RIN3: variants seen among roughly 807,000 people sequenced by gnomAD.
RIN3 encodes RAB5 interacting protein 3.
Under a neutral mutation model 76.3 loss-of-function variants are expected in RIN3, and 54 were observed. That is an observed-to-expected ratio of 0.71 (90% CI 0.57 to 0.89). RIN3 has a LOEUF of 0.89. Ranked by LOEUF, RIN3 falls within the 40% of genes least tolerant of loss-of-function variation. The pLI, the probability that RIN3 is intolerant of heterozygous loss-of-function variation, is 0.00. For missense variants in RIN3, 1,256 were observed against 1,322.1 expected, an observed-to-expected ratio of 0.95 and a Z score of 0.78; for synonymous variants, 576 against 564.0, an observed-to-expected ratio of 1.02 and a Z score of -0.30.
At chr14:92,644,277 A>G (rs1418525316) in intron 5 of RIN3, 1 of 152,182 alleles carries the variant, frequency 6.6e-6, no homozygotes, top group African/African-American at 2.4e-5. Flanking sequence ...GCCTCAGTCT[A>G]TGACACATTG....
At chr14:92,536,345 C>T (rs1381299532) in intron 1 of RIN3, among the ~76,000 whole-genome samples, 1 of 152,154 alleles carries the variant, frequency 6.6e-6, no homozygotes, top group Non-Finnish European at 1.5e-5. Flanking sequence ...CCTTCTATCT[C>T]TCCATTCGCC....
intron 1 of RIN3, among the ~76,000 whole-genome samples, chr14:92,543,767 G>C (rs943664): frequency 0.26 from 40,052 of 151,590 alleles, 5,525 homozygotes; most frequent in Middle Eastern, 0.35. Flanking sequence ...ATTTTTAGTA[G>C]AGACGGGATT....
intron 3 of RIN3, among the ~76,000 whole-genome samples, chr14:92,592,328 G>A (rs542141961): frequency 1.4e-3 from 214 of 150,516 alleles, no homozygotes; most frequent in South Asian, 3.0e-3. Context: ...TTGAACCCAG[G>A]AAGCAGAGGT....
At position 92,688,506 on chromosome 14, in the gene RIN3, GGA is replaced by G. The variant is rs1888966876; in HGVS notation, c.*260_*261del. 5.6e-6 allele frequency: 3 copies of G among 533,876 alleles called. No individual in the cohort carries two copies. Among genetic ancestry groups the G allele is most frequent in the Non-Finnish European group, 9.9e-6 (3 of 302,432 alleles). 33.1% of individuals were successfully genotyped at this position (533,876 alleles called of 1,614,324 possible). A position where few individuals can be genotyped will look rare whatever the true frequency, so the allele number is the denominator to read the frequency against. On this transcript the variant is annotated 3_prime_UTR_variant, in exon 10 of 10. Coordinates refer to ENST00000216487, the MANE Select transcript of RIN3 (RefSeq NM_024832.5). Reference sequence around the variant, plus strand: ...AGACGGAAAGGGAAACTGAGGCTCAGGAGAGAGGCGCTCCAGGCCGCTGCAGC... The same window carrying G: ...AGACGGAAAGGGAAACTGAGGCTCAGGAGAGGCGCTCCAGGCCGCTGCAGC...
chr14:92,565,237 C>T (rs1897886456), intron 2 of RIN3, among the ~76,000 whole-genome samples: 1 of 152,104 alleles, frequency 6.6e-6, no homozygotes, highest in Non-Finnish European at 1.5e-5. Flanking sequence ...ATTCATGGAG[C>T]CATCCATGAA....
At chr14:92,635,709 T>G (rs4904966) in intron 4 of RIN3, among the ~76,000 whole-genome samples, 2 of 151,898 alleles carry the variant, frequency 1.3e-5, no homozygotes, top group African/African-American at 4.8e-5. Flanking sequence ...AAAAATCAGC[T>G]GGGCATGGTG....
chr14:92,550,589 G>A (rs539353138), intron 1 of RIN3, among the ~76,000 whole-genome samples: 14 of 152,126 alleles, frequency 9.2e-5, no homozygotes, highest in African/African-American at 1.4e-4. Flanking sequence ...CTAATTTTTC[G>A]AAAGTTTTTT....
chr14:92,567,648 A>T (rs924643618), intron 2 of RIN3, among the ~76,000 whole-genome samples: 44 of 145,262 alleles, frequency 3.0e-4, no homozygotes, highest in Admixed American at 9.8e-4. Context: ...TTTTTGGTCA[A>T]TGCCAGTGCC....
chr14:92,625,719 C>T lies in RIN3; in HGVS notation c.440+10240C>T, dbSNP rs114707036. ...GGCCTGGTAGCTGAGGGTCTGGGTC[C>T]GCTAGTTGGAGGCTTGGGTTTGGAC... On this transcript the variant is annotated intron_variant, in intron 4 of 9. Transcript: ENST00000216487. Among the ~76,000 whole-genome samples, 577 of 152,308 alleles carry T rather than the reference C, an allele frequency of 3.8e-3. 4 individuals are homozygous for T. Among genetic ancestry groups the T allele is most frequent in the African/African-American group, 0.012 (517 of 41,566 alleles).
chr14:92,668,221 AGACTTGAACCCGG>A (rs1888176310), intron 7 of RIN3, among the ~76,000 whole-genome samples: 1 of 152,204 alleles, frequency 6.6e-6, no homozygotes, highest in Non-Finnish European at 1.5e-5. Flanking sequence ...GGTTGACCTG[AGACTTGAACCCGG>A]GTCCTTTGCT....
In RIN3 at chr14:92,659,328, A is replaced by T. The variant is rs755381740; in HGVS notation, c.2194A>T (p.Ser732Cys). The change falls in exon 7 of 10, where the codon AGC becomes TGC. Residue 732 changes from serine (S) to cysteine (C), a missense_variant. Around this residue, in one of 3 missense-constraint regions of RIN3, gnomAD observed 428 missense variants for 521.2 expected, o/e 0.82. Coordinates refer to ENST00000216487, the MANE Select transcript of RIN3 (RefSeq NM_024832.5). The stretch of plus-strand genomic sequence containing the variant: ...CACCACTGACCTAGGTGTGACCACC[A>T]GCGTGCCGGAGGTGCCCATGATGGA... ...TTTTDLGVTT[S>C]VPEVPMMEKI... The T allele has an allele frequency of 2.5e-6, 4 of 1,612,696 alleles. No homozygotes were observed. Among genetic ancestry groups the T allele is most frequent in the Non-Finnish European group, 3.4e-6 (4 of 1,179,212 alleles).
chr14:92,676,632 G>A, intron 8 of RIN3, 26 bp downstream of exon 8: 2 of 1,608,746 alleles, frequency 1.2e-6, no homozygotes, highest in Non-Finnish European at 8.5e-7. Context: ...CTGCCCATCA[G>A]GTGCATTGCA....
chr14:92,556,932 A>G (rs1254150153), intron 2 of RIN3, among the ~76,000 whole-genome samples: 1 of 152,186 alleles, frequency 6.6e-6, no homozygotes, highest in Non-Finnish European at 1.5e-5. Context: ...GTTCAGTGGC[A>G]TTTAGTACAG....
At chr14:92,614,378 A>C (rs1451527165) in intron 3 of RIN3, among the ~76,000 whole-genome samples, 1 of 152,238 alleles carries the variant, frequency 6.6e-6, no homozygotes, top group Non-Finnish European at 1.5e-5. Context: ...AGAATTGCCA[A>C]GTTCTAAGAC....
At chr14:92,548,854 C>T (rs769289735) in intron 1 of RIN3, among the ~76,000 whole-genome samples, 6 of 152,082 alleles carry the variant, frequency 3.9e-5, no homozygotes, top group Middle Eastern at 3.4e-3. Context: ...CATATCTTCT[C>T]GGGGGACACA....
chr14:92,575,933 C>T (rs1898214440), intron 2 of RIN3, among the ~76,000 whole-genome samples: 1 of 152,190 alleles, frequency 6.6e-6, no homozygotes, highest in Admixed American at 6.5e-5. Flanking sequence ...CTGGTTCAGA[C>T]GGACACTCAG....
chr14:92,687,805 G>C, intron 9 of RIN3, 121 bp from the exon 10 acceptor site: 1 of 870,086 alleles, frequency 1.1e-6, no homozygotes, highest in Non-Finnish European at 1.7e-6. Flanking sequence ...CGCAGGTGCC[G>C]GACTCGCAGA....
At chr14:92,659,054 C>T (rs1663223678) in intron 6 of RIN3, 107 bp from the exon 7 acceptor site, 1 of 1,046,612 alleles carries the variant, frequency 9.6e-7, no homozygotes, top group Non-Finnish European at 1.4e-6. Flanking sequence ...TGTGAGTGTC[C>T]TTCCAGGGGC....
intron 5 of RIN3, among the ~76,000 whole-genome samples, chr14:92,642,111 CT>C (rs139930534): frequency 5.4e-5 from 8 of 149,094 alleles, no homozygotes; most frequent in Admixed American, 6.7e-5. Flanking sequence ...TTCTTTCTTT[CT>C]TTTTTTTTTG....
Sources: gnomAD v4.1 joint callset for allele counts (sites outside exome capture counted in the v4.1 genomes callset) on GRCh38, gnomAD v4.1.1 for gene constraint, gnomAD v4.1.1 regional missense constraint, MANE v1.5 for transcripts, NCBI Gene and HGNC (gene_info 2026-07-23, HGNC 2026-07-21) for gene names.